PLAU: variants seen among roughly 807,000 people sequenced by gnomAD.
PLAU encodes plasminogen activator, urokinase.
Under a neutral mutation model 48.9 loss-of-function variants are expected in PLAU, and 32 were observed. The ratio of observed to expected loss-of-function variants is 0.65; its 90% CI spans 0.49 to 0.88. The LOEUF is 0.88. PLAU is among the 40% of genes least tolerant of loss of function. The probability of loss-of-function intolerance (pLI) is 0.00; values close to 1 mark genes in which losing one functional copy is unlikely to be tolerated. For synonymous variants in PLAU, 199 were observed against 205.7 expected (o/e 0.97, Z 0.28); for missense variants, 455 against 545.2 (o/e 0.83, Z 1.65).
intron 7 of PLAU, 42 bp downstream of exon 7, chr10:73,913,800 C>A: frequency 6.7e-7 from 1 of 1,486,116 alleles, no homozygotes; most frequent in Non-Finnish European, 9.2e-7. Context: ...TCTGCCCCAC[C>A]CCAAGCACAT....
intron 2 of PLAU, 188 bp downstream of exon 2, chr10:73,911,800 G>A: frequency 6.4e-7 from 1 of 1,551,756 alleles, no homozygotes; most frequent in South Asian, 1.2e-5. Flanking sequence ...TGGCTGGCAA[G>A]GGAGGAAGAG....
intron 3 of PLAU, 67 bp downstream of exon 3, chr10:73,912,135 T>A (rs1300126369): frequency 6.2e-7 from 1 of 1,610,672 alleles, no homozygotes; most frequent in East Asian, 2.2e-5. Flanking sequence ...GGACATCCCC[T>A]CCCTGCCCTC....
At chr10:73,915,483 C>G in intron 10 of PLAU, 84 bp downstream of exon 10, 1 of 1,338,320 alleles carries the variant, frequency 7.5e-7, no homozygotes, top group South Asian at 1.5e-5. Context: ...AAGGGTGTCT[C>G]TCTCTAGCCA....
In PLAU at chr10:73,916,435, C is replaced by G. The variant is rs1179299698; in HGVS notation, c.1166C>G (p.Thr389Ser). Residue 389 changes from threonine (T) to serine (S), a missense_variant, in exon 11 of 11, where the codon ACT (threonine) becomes AGT (serine). Transcript: ENST00000372764. ...GTCTGTTCCCTCCAAGGCCGCATGA[C>G]TTTGACTGGAATTGTGAGCTGGGGC... Reference protein sequence around the residue: ...PLVCSLQGRMTLTGIVSWGRG... With the variant: ...PLVCSLQGRMSLTGIVSWGRG... The G allele has an allele frequency of 3.1e-6, 5 of 1,613,856 alleles. No individual in the cohort carries two copies. The highest frequency in any genetic ancestry group is 3.4e-6 in the Non-Finnish European group (4 of 1,179,898).
intron 8 of PLAU, 114 bp from the exon 9 acceptor site, chr10:73,914,662 C>CT: frequency 9.9e-7 from 1 of 1,013,624 alleles, no homozygotes; most frequent in Non-Finnish European, 1.4e-6. Flanking sequence ...GCAGACCTCC[C>CT]TGGATGACTG....
rs749259807 is a variant in PLAU, at chr10:73,913,303, C to T, written c.382C>T (p.Arg128Trp). ...KHNYCRNPDN[R>W]RRPWCYVQVG... The stretch of plus-strand genomic sequence containing the variant: ...CTGTGTTGCCAGGAACCCAGACAAC[C>T]GGAGGCGACCCTGGTGCTATGTGCA... Residue 128 changes from arginine to tryptophan, a missense_variant, in exon 6 of 11, where the codon CGG becomes TGG. Coordinates refer to ENST00000372764, the MANE Select transcript of PLAU (RefSeq NM_002658.6). 79 of 1,614,026 alleles carry T rather than the reference C, an allele frequency of 4.9e-5. No homozygotes were observed. Among genetic ancestry groups the T allele is most frequent in the Admixed American group, 1.3e-4 (8 of 59,998 alleles).
At chr10:73,911,834 C>A (rs1240640750) in intron 2 of PLAU, 3 of 1,551,922 alleles carry the variant, frequency 1.9e-6, no homozygotes, top group East Asian at 2.4e-5. Flanking sequence ...CCCCAGCCTG[C>A]GGGCATCTGG....
intron 9 of PLAU, 141 bp from the exon 10 acceptor site, chr10:73,915,110 T>C (rs1359837420): frequency 9.7e-7 from 1 of 1,029,320 alleles, no homozygotes; most frequent in Non-Finnish European, 1.4e-6. Context: ...GTAGGGGCTA[T>C]AGGTGGAGTA....
intron 2 of PLAU, 174 bp downstream of exon 2, chr10:73,911,786 G>A: frequency 6.4e-7 from 1 of 1,551,766 alleles, no homozygotes. Context: ...ACGGGGGTTG[G>A]CACTGGCTGG....
In PLAU at chr10:73,913,301, A is replaced by T; in HGVS notation, c.380A>T (p.Asn127Ile). Reference protein sequence around the residue: ...GKHNYCRNPDNRRRPWCYVQV... With the variant: ...GKHNYCRNPDIRRRPWCYVQV... ...TTCTGTGTTGCCAGGAACCCAGACA[A>T]CCGGAGGCGACCCTGGTGCTATGTG... The change falls in exon 6 of 11, where the codon AAC becomes ATC. Residue 127 changes from asparagine (N) to isoleucine (I), a missense_variant. Physicochemically the swap from Asn to Ile is moderately radical, Grantham distance 149 (BLOSUM62 -3). Transcript: ENST00000372764. 6.2e-7 allele frequency: 1 copy of T among 1,614,122 alleles called. No homozygotes were observed. Among genetic ancestry groups the T allele is most frequent in the Non-Finnish European group, 8.5e-7 (1 of 1,180,008 alleles).
chr10:73,916,338 A>C, intron 10 of PLAU, 51 bp from the exon 11 acceptor site: 1 of 1,534,484 alleles, frequency 6.5e-7, no homozygotes, highest in Non-Finnish European at 8.9e-7. Context: ...GGGATCAGAA[A>C]TCCCCTCCTC....
rs747047668 is a variant in PLAU, at chr10:73,916,840, CA to C, written c.*276del. ...TTGTCTTTTTCTGGACTGAAGCCTG[CA>C]GGAGTTAAAAAGGGCAGGGCATCTC... On this transcript the variant is annotated 3_prime_UTR_variant, in exon 11 of 11. Transcript: ENST00000372764. 1 of 414,078 alleles carries C rather than the reference CA, an allele frequency of 2.4e-6. No homozygotes were observed. The highest frequency in any genetic ancestry group is 4.4e-6 in the Non-Finnish European group (1 of 229,850). The allele number at this position is 414,078 out of a possible 1,614,324, so 25.7% of individuals were successfully genotyped here.
intron 3 of PLAU, 33 bp from the exon 4 acceptor site, chr10:73,912,182 C>G: frequency 6.2e-7 from 1 of 1,614,120 alleles, no homozygotes; most frequent in Non-Finnish European, 8.5e-7. Context: ...CACTTCCACT[C>G]CCCCTCGCTT....
upstream of PLAU, chr10:73,909,290 T>A (rs948765171): frequency 2.0e-5 from 3 of 152,214 alleles, no homozygotes; most frequent in Middle Eastern, 6.3e-3. Flanking sequence ...CCTGGGAGTT[T>A]CGGGGTAAGT....
rs908462185 is a variant in PLAU, at chr10:73,913,499, C to T, written c.461-40C>T. The T allele has an allele frequency of 4.5e-6, 7 of 1,568,396 alleles. No homozygotes were observed. In the Admixed American group the frequency reaches 6.7e-5, roughly 15 times the overall value. Reference sequence around the variant, plus strand: ...GGGTGCCCGAGAGGGATGCTTTCTCCTACCTGCCTCCCTAAGACATCCCTC... The same window carrying T: ...GGGTGCCCGAGAGGGATGCTTTCTCTTACCTGCCTCCCTAAGACATCCCTC... On this transcript the variant is annotated intron_variant, in intron 6 of 10. Coordinates refer to ENST00000372764, the MANE Select transcript of PLAU (RefSeq NM_002658.6).
At chr10:73,911,130 GC>G (rs2096122824), upstream of PLAU, 1 of 210,208 alleles carries the variant, frequency 4.8e-6, no homozygotes, top group African/African-American at 2.4e-5. Flanking sequence ...GCGGGTCGCA[GC>G]ACAGTGCGGA....
At chr10:73,910,294 C>T (rs535744023), upstream of PLAU, 1 of 152,296 alleles carries the variant, frequency 6.6e-6, no homozygotes, top group African/African-American at 2.4e-5. Flanking sequence ...TTATTCTTGC[C>T]TGCACAAATA....
intron 1 of PLAU, 100 bp from the exon 2 acceptor site, chr10:73,911,425 G>A: frequency 2.5e-6 from 3 of 1,208,404 alleles, no homozygotes; most frequent in East Asian, 2.5e-5. Flanking sequence ...GACAGCTGGG[G>A]AGCCTGGTCA....
intron 10 of PLAU, 115 bp from the exon 11 acceptor site, chr10:73,916,274 C>A (rs902132573): frequency 2.2e-6 from 2 of 909,614 alleles, no homozygotes; most frequent in Non-Finnish European, 3.4e-6. Context: ...AATGGGAAGT[C>A]GCTAAGGACT....
Sources: allele counts gnomAD v4.1 joint callset, GRCh38; gene constraint gnomAD v4.1.1; transcripts MANE v1.5; gene names NCBI Gene and HGNC (gene_info 2026-07-23, HGNC 2026-07-21).